HGFAC: variants seen among roughly 807,000 people sequenced by gnomAD.
HGFAC encodes the protein HGF activator, also known as hepatocyte growth factor activator serine protease.
In HGFAC, 76 loss-of-function variants were observed where a neutral mutation model predicts 70.6. That is an observed-to-expected ratio of 1.08 (90% CI 0.89 to 1.30). The LOEUF (loss-of-function observed/expected upper bound fraction) is 1.30, where lower values mean the gene tolerates loss of function less well. HGFAC is among the 50% of genes most tolerant of loss of function. HGFAC has a pLI of 0.00. For synonymous variants in HGFAC, 464 were observed against 405.3 expected (o/e 1.14, Z -1.74); for missense variants, 1,044 against 933.7 (o/e 1.12, Z -1.54).
Position 3,444,649 on chromosome 4 carries a change from G to C in HGFAC, c.757G>C (p.Gly253Arg), listed in dbSNP as rs781451530. 48 of 1,597,230 alleles carry C rather than the reference G, an allele frequency of 3.0e-5. No individual in the cohort carries two copies. Among genetic ancestry groups the C allele is most frequent in the South Asian group, 5.6e-5 (5 of 89,962 alleles). Reference protein sequence around the residue: ...TACLSSPCLNGGTCHLIVATG... With the variant: ...TACLSSPCLNRGTCHLIVATG... ...TTGTCTGAGCAGCCCTTGCCTGAAC[G>C]GGGGCACCTGCCACCTGATCGTGGC... Residue 253 changes from glycine to arginine, a missense_variant, in exon 7 of 14, where the codon GGG becomes CGG. By Grantham distance (125) the Gly-to-Arg change is moderately radical. Transcript: ENST00000382774.
chr4:3,445,453 G>A, intron 9 of HGFAC, 103 bp downstream of exon 9: 1 of 816,094 alleles, frequency 1.2e-6, no homozygotes, highest in Non-Finnish European at 2.1e-6. Context: ...CTGCATCTCT[G>A]ACAAATGGGG....
At chr4:3,445,146 C>G in intron 8 of HGFAC, 119 bp from the exon 9 acceptor site, 1 of 1,284,672 alleles carries the variant, frequency 7.8e-7, no homozygotes, top group Non-Finnish European at 1.1e-6. Context: ...GGGAGGGCCA[C>G]TCTCTTCCCA....
In HGFAC at chr4:3,446,143, A is replaced by T. The variant is rs1273272312; in HGVS notation, c.1204A>T (p.Thr402Ser). ...CTGCGGCAGGAGGCACAAGAAGAGGACGTTCCTGCGGCCACGTATCATCGG... is the reference window on the plus strand; with the variant it reads ...CTGCGGCAGGAGGCACAAGAAGAGGTCGTTCCTGCGGCCACGTATCATCGG... Reference protein sequence around the residue: ...QACGRRHKKRTFLRPRIIGGS... With the variant: ...QACGRRHKKRSFLRPRIIGGS... The change falls in exon 10 of 14, where the codon ACG (threonine) becomes TCG (serine). Residue 402 changes from threonine (T) to serine (S), a missense_variant. Thr to Ser is a moderately conservative substitution (Grantham distance 58, BLOSUM62 1). Transcript: ENST00000382774. 1 of 1,611,768 alleles carries T rather than the reference A, an allele frequency of 6.2e-7. No homozygotes were observed. The highest frequency in any genetic ancestry group is 2.2e-5 in the East Asian group (1 of 44,864).
Position 3,445,332 on chromosome 4 carries a change from T to C in HGFAC, c.1084T>C (p.Cys362Arg). The change falls in exon 9 of 14, where the codon TGC becomes CGC. Residue 362 changes from cysteine to arginine, a missense_variant. Transcript: ENST00000382774. ...GGACAGCGCGCTCTCCTGGGAGTAC[T>C]GCCGCCTGGAGGCCTGCGGTGCGCG... The part of the protein sequence containing the change: ...VKDSALSWEY[C>R]RLEACESLTR... 2 of 1,582,480 alleles carry C rather than the reference T, an allele frequency of 1.3e-6. No individual in the cohort carries two copies. The highest frequency in any genetic ancestry group is 3.6e-5 in the Admixed American group (2 of 56,022).
chr4:3,444,825 A>G lies in HGFAC; in HGVS notation c.848A>G (p.Asp283Gly). The change falls in exon 8 of 14, where the codon GAT becomes GGT. Residue 283 changes from aspartate to glycine, a missense_variant. By Grantham distance (94) the Asp-to-Gly change is moderately conservative (BLOSUM62 -1). Coordinates refer to ENST00000382774, the MANE Select transcript of HGFAC (RefSeq NM_001528.4). The part of the protein sequence containing the change: ...FAGRLCNIEP[D>G]ERCFLGNGTG... ...ACTGCCCCTCTGCCCGCAGAGCCTGATGAGCGCTGCTTCTTGGGGAACGGC... is the reference window on the plus strand; with the variant it reads ...ACTGCCCCTCTGCCCGCAGAGCCTGGTGAGCGCTGCTTCTTGGGGAACGGC... 6.3e-7 allele frequency: 1 copy of G among 1,593,972 alleles called. No homozygotes were observed. Among genetic ancestry groups the G allele is most frequent in the Non-Finnish European group, 8.6e-7 (1 of 1,169,312 alleles).
chr4:3,443,202 C>T, intron 3 of HGFAC, 56 bp downstream of exon 3: 1 of 1,355,334 alleles, frequency 7.4e-7, no homozygotes, highest in Non-Finnish European at 9.9e-7. Context: ...ACGCTGCCTG[C>T]TTTTCTGGGA....
rs1725658508 is a variant in HGFAC at position 3,449,468 on chromosome 4, A to G, written c.*49A>G. ...CCCACCATTCCCTGCCTTGCTGACAATAAAGATATTTCCAAGAACCCGGCC... is the reference window on the plus strand; with the variant it reads ...CCCACCATTCCCTGCCTTGCTGACAGTAAAGATATTTCCAAGAACCCGGCC... On this transcript the variant is annotated 3_prime_UTR_variant, in exon 14 of 14. Coordinates refer to ENST00000382774, the MANE Select transcript of HGFAC (RefSeq NM_001528.4). The G allele has an allele frequency of 1.4e-5, 21 of 1,481,844 alleles. No individual in the cohort carries two copies. The South Asian group carries it at 2.6e-4, about 18-fold the overall frequency. The allele number at this position is 1,481,844 out of a possible 1,614,324, so 91.8% of individuals were successfully genotyped here. A position where few individuals can be genotyped will look rare whatever the true frequency, so the allele number is the denominator to read the frequency against.
At chr4:3,443,909 G>C in intron 4 of HGFAC, 130 bp from the exon 5 acceptor site, 1 of 1,009,782 alleles carries the variant, frequency 9.9e-7, no homozygotes. Flanking sequence ...CCCGAGGGGC[G>C]TAGAGAGGGC....
chr4:3,444,964 G>C lies in HGFAC; in HGVS notation c.987G>C (p.Leu329=), dbSNP rs147268113. ...LHVDSVGAAA[L]LGLGPHAYCR... Reference sequence around the variant, plus strand: ...TGGACTCCGTGGGCGCCGCGGCCCTGCTGGGCCTGGGCCCCCATGCCTACT... The same window carrying C: ...TGGACTCCGTGGGCGCCGCGGCCCTCCTGGGCCTGGGCCCCCATGCCTACT... Residue 329 remains leucine (L), a synonymous_variant, in exon 8 of 14, where the codon CTG becomes CTC. Coordinates refer to ENST00000382774, the MANE Select transcript of HGFAC (RefSeq NM_001528.4). The C allele has an allele frequency of 4.4e-6, 7 of 1,602,432 alleles. No individual in the cohort carries two copies. The highest frequency in any genetic ancestry group is 1.7e-5 in the Admixed American group (1 of 59,072).
rs575131797 is a variant in HGFAC, at chr4:3,449,461, G to C, written c.*42G>C. On this transcript the variant is annotated 3_prime_UTR_variant, in exon 14 of 14. Transcript: ENST00000382774. ...CCTGGTTCCCACCATTCCCTGCCTT[G>C]CTGACAATAAAGATATTTCCAAGAA... The C allele has an allele frequency of 5.6e-4, 836 of 1,489,528 alleles. 20 individuals are homozygous for C. The South Asian group carries it at 0.01, about 18-fold the overall frequency. The allele number at this position is 1,489,528 out of a possible 1,614,324, so 92.3% of individuals were successfully genotyped here.
intron 10 of HGFAC, 91 bp downstream of exon 10, chr4:3,446,385 C>T: frequency 6.8e-7 from 1 of 1,463,396 alleles, no homozygotes; most frequent in Non-Finnish European, 9.1e-7. Flanking sequence ...CTTGCGGACC[C>T]CATCCCGGTG....
rs1300773170 is a variant in HGFAC at position 3,444,345 on chromosome 4, G to A, written c.633G>A (p.Leu211=). The part of the protein sequence containing the change: ...KCFDETRYEY[L]EGGDRWARVR... The stretch of plus-strand genomic sequence containing the variant: ...TTGATGAGACCCGCTACGAGTACCT[G>A]GAGGGGGGCGACCGCTGGGCCCGCG... Residue 211 remains leucine, a synonymous_variant, in exon 6 of 14, where the codon CTG becomes CTA. Transcript: ENST00000382774. 1 of 1,598,572 alleles carries A rather than the reference G, an allele frequency of 6.3e-7. No homozygotes were observed. Among genetic ancestry groups the A allele is most frequent in the Admixed American group, 1.7e-5 (1 of 57,578 alleles).
rs1665267490 is a variant in HGFAC, at chr4:3,441,982, C to T, written c.-20C>T. On this transcript the variant is annotated 5_prime_UTR_variant, in exon 1 of 14. Coordinates refer to ENST00000382774, the MANE Select transcript of HGFAC (RefSeq NM_001528.4). This position sits in a 1 kb window ranked among gnomAD's most constrained non-coding sequence, Gnocchi z 6.0. Reference sequence around the variant, plus strand: ...GCTCTGCTCCCGCCTCCCACTGCCCCTCAGGCCAGCTCAGGAGCCATGGGG... The same window carrying T: ...GCTCTGCTCCCGCCTCCCACTGCCCTTCAGGCCAGCTCAGGAGCCATGGGG... 5 of 1,416,772 alleles carry T rather than the reference C, an allele frequency of 3.5e-6. No homozygotes were observed. In the South Asian group the frequency reaches 4.3e-5, roughly 12 times the overall value. 87.8% of individuals were successfully genotyped at this position (1,416,772 alleles called of 1,614,324 possible).
Position 3,445,280 on chromosome 4 carries a change from C to A in HGFAC, c.1032C>A (p.Asp344Glu). The A allele has an allele frequency of 1.3e-6, 2 of 1,583,612 alleles. No homozygotes were observed. Among genetic ancestry groups the A allele is most frequent in the Non-Finnish European group, 1.7e-6 (2 of 1,165,790 alleles). ...PHAYCRNPDN[D>E]ERPWCYVVKD... ...TGCACCGCAGGAATCCGGACAATGA[C>A]GAGAGGCCCTGGTGCTACGTGGTGA... Residue 344 changes from aspartate to glutamate, a missense_variant, in exon 9 of 14, where the codon GAC (aspartate) becomes GAA (glutamate). Physicochemically the swap from Asp to Glu is conservative, Grantham distance 45. Coordinates refer to ENST00000382774, the MANE Select transcript of HGFAC (RefSeq NM_001528.4).
chr4:3,448,420 A>C (rs1053650903), intron 13 of HGFAC, 144 bp downstream of exon 13: 18 of 1,020,002 alleles, frequency 1.8e-5, no homozygotes, highest in Non-Finnish European at 1.4e-6. Context: ...GGCAGGGAGC[A>C]CACTTACTGT....
chr4:3,446,270 C>T lies in HGFAC; in HGVS notation c.1331C>T (p.Ser444Leu), dbSNP rs753601335. The stretch of plus-strand genomic sequence containing the variant: ...CTGGTCCACACCTGCTGGGTGGTGT[C>T]GGCCGCCCACTGCTTCTCCCACAGG... The part of the protein sequence containing the change: ...GSLVHTCWVV[S>L]AAHCFSHSPP... The change falls in exon 10 of 14, where the codon TCG becomes TTG. Residue 444 changes from serine (S) to leucine (L), a missense_variant. Ser to Leu is a moderately radical substitution (Grantham distance 145). Coordinates refer to ENST00000382774, the MANE Select transcript of HGFAC (RefSeq NM_001528.4). 26 of 1,607,726 alleles carry T rather than the reference C, an allele frequency of 1.6e-5. No individual in the cohort carries two copies. Among genetic ancestry groups the T allele is most frequent in the East Asian group, 4.5e-5 (2 of 44,742 alleles).
chr4:3,443,137 A>C lies in HGFAC; in HGVS notation c.386A>C (p.His129Pro). ...GCCTGCACTTCGGAGGGCAGTGCAC[A>C]CAGGAAGTGGTGGGTCCGGGCAGCC... ...LHACTSEGSA[H>P]RKWCATTHNY... The change falls in exon 3 of 14, where the codon CAC becomes CCC. Residue 129 changes from histidine (H) to proline (P), a missense_variant. His to Pro is a moderately conservative substitution (Grantham distance 77, BLOSUM62 -2). Coordinates refer to ENST00000382774, the MANE Select transcript of HGFAC (RefSeq NM_001528.4). 6.4e-7 allele frequency: 1 copy of C among 1,555,484 alleles called. No homozygotes were observed. Among genetic ancestry groups the C allele is most frequent in the Non-Finnish European group, 8.6e-7 (1 of 1,156,326 alleles).
chr4:3,442,035 C>A lies in HGFAC; in HGVS notation c.34C>A (p.Pro12Thr), dbSNP rs1006729577. 2.0e-6 allele frequency: 3 copies of A among 1,525,358 alleles called. No homozygotes were observed. The highest frequency in any genetic ancestry group is 2.6e-6 in the Non-Finnish European group (3 of 1,153,226). The allele number at this position is 1,525,358 out of a possible 1,614,324, so 94.5% of individuals were successfully genotyped here. A position where few individuals can be genotyped will look rare whatever the true frequency, so the allele number is the denominator to read the frequency against. ...CTGGGCCTGGGTCCCCAGCCCCTGG[C>A]CCCCACCGGGGCTGGGCCCCTTCCT... Reference protein sequence around the residue: ...GRWAWVPSPWPPPGLGPFLLL... With the variant: ...GRWAWVPSPWTPPGLGPFLLL... The change falls in exon 1 of 14, where the codon CCC becomes ACC. Residue 12 changes from proline to threonine, a missense_variant. Coordinates refer to ENST00000382774, the MANE Select transcript of HGFAC (RefSeq NM_001528.4).
At chr4:3,445,082 G>A (rs182798104) in intron 8 of HGFAC, 89 bp downstream of exon 8, 203 of 1,418,618 alleles carry the variant, frequency 1.4e-4, no homozygotes, top group Admixed American at 1.9e-4. Context: ...GGACCCAGGC[G>A]GGGCCAGCTC....
Sources: gnomAD v4.1 joint callset for allele counts on GRCh38, gnomAD v4.1.1 for gene constraint, Gnocchi (gnomAD v3.1) non-coding constraint, MANE v1.5 for transcripts, NCBI Gene and HGNC (gene_info 2026-07-23, HGNC 2026-07-21) for gene names.